The following TTC38 variants were observed in gnomAD, a reference collection of about 807,000 sequenced individuals.
TTC38 encodes the protein tetratricopeptide repeat domain 38.
In TTC38, 64 loss-of-function variants were observed where a neutral mutation model predicts 64.2. The ratio of observed to expected loss-of-function variants is 1.00; its 90% CI spans 0.81 to 1.23. The LOEUF (loss-of-function observed/expected upper bound fraction) is 1.23, where lower values mean the gene tolerates loss of function less well. TTC38 is among the 50% of genes most tolerant of loss of function. The pLI is 0.00. For missense variants in TTC38, 573 were observed against 615.5 expected (o/e 0.93, Z 0.73); for synonymous variants, 254 against 249.3 (o/e 1.02, Z -0.18).
rs1258325702 is a variant in TTC38, at chr22:46,273,443, C to A, written c.194-455C>A. On this transcript the variant is annotated intron_variant, in intron 3 of 13. Transcript: ENST00000381031. This position sits in a 1 kb window ranked among gnomAD's most constrained non-coding sequence, Gnocchi z 5.1. ...TGCTGCGAGGGCCACAAGGCACTCA[C>A]CCCCACCCTAACTTTTAGCATGTGT... 6.6e-6 allele frequency among the ~76,000 whole-genome samples: 1 copy of A among 152,246 alleles called. No homozygotes were observed. The highest frequency in any genetic ancestry group is 6.5e-5 in the Admixed American group (1 of 15,292).
At chr22:46,288,152 G>A (rs1939993881) in intron 10 of TTC38, among the ~76,000 whole-genome samples, 1 of 152,208 alleles carries the variant, frequency 6.6e-6, no homozygotes, top group African/African-American at 2.4e-5. Context: ...CCTAGGGTTT[G>A]TCAAAGCGGC....
At chr22:46,278,474 G>T (rs1024601865) in intron 5 of TTC38, 112 bp from the exon 6 acceptor site, 10 of 882,546 alleles carry the variant, frequency 1.1e-5, no homozygotes, top group Admixed American at 9.5e-5. Context: ...TCCAAAAAAG[G>T]TCACATTCCC....
chr22:46,281,491 C>A lies in TTC38; in HGVS notation c.616-108C>A. The A allele has an allele frequency of 5.5e-6, 7 of 1,284,390 alleles. No individual in the cohort carries two copies. The highest frequency in any genetic ancestry group is 7.6e-6 in the Non-Finnish European group (7 of 918,656). 79.6% of individuals were successfully genotyped at this position (1,284,390 alleles called of 1,614,324 possible). On this transcript the variant is annotated intron_variant, in intron 6 of 13. Coordinates refer to ENST00000381031, the MANE Select transcript of TTC38 (RefSeq NM_017931.4). This position sits in a 1 kb window ranked among gnomAD's most constrained non-coding sequence, Gnocchi z 5.2. ...GAGCCCCGCCCCCCCACTTGCTCCA[C>A]CCCGTTCAGCCCAGGCCCCTCTTGC...
In TTC38 at chr22:46,275,385, T is replaced by A. The variant is rs2147788173; in HGVS notation, c.503T>A (p.Ile168Asn). The A allele has an allele frequency of 6.2e-7, 1 of 1,614,134 alleles. No homozygotes were observed. The highest frequency in any genetic ancestry group is 2.2e-5 in the East Asian group (1 of 44,878). ...QEQMRDSVAR[I>N]YPFWTPDIPL... The stretch of plus-strand genomic sequence containing the variant: ...CAGATGAGAGATTCTGTTGCTCGAA[T>A]TTACCCCTTCTGGACACCTGACATC... The change falls in exon 5 of 14, where the codon ATT becomes AAT. Residue 168 changes from isoleucine to asparagine, a missense_variant. By Grantham distance (149) the Ile-to-Asn change is moderately radical. Transcript: ENST00000381031. This position sits in a 1 kb window ranked among gnomAD's most constrained non-coding sequence, Gnocchi z 4.5.
At chr22:46,284,357 G>A (rs1436652698) in intron 8 of TTC38, among the ~76,000 whole-genome samples, 1 of 152,230 alleles carries the variant, frequency 6.6e-6, no homozygotes, top group Non-Finnish European at 1.5e-5. Context: ...TGGGGCAGCT[G>A]CTCAGGACAC....
At position 46,287,077 on chromosome 22, in the gene TTC38, T is replaced by A; in HGVS notation, c.839T>A (p.Leu280His). The A allele has an allele frequency of 2.5e-6, 4 of 1,599,926 alleles. No individual in the cohort carries two copies. In the South Asian group the frequency reaches 3.3e-5, roughly 13 times the overall value. Residue 280 changes from leucine to histidine, a missense_variant, in exon 10 of 14, where the codon CTT (leucine) becomes CAT (histidine). This residue lies in a region of TTC38 where 371 missense variants were observed against 381.8 expected (regional missense o/e 0.97). Coordinates refer to ENST00000381031, the MANE Select transcript of TTC38 (RefSeq NM_017931.4). ...AALTIYDTHI[L>H]PSLQANDAML... is the part of the protein sequence containing the mutation. ...CTTGGCCGCCCTGTCTTCCAGATCC[T>A]TCCCAGCCTGCAGGCCAACGATGCA...
In TTC38 at chr22:46,270,871, G is replaced by GCA. The variant is rs1048721381; in HGVS notation, c.112-1460_112-1459dup. 1.3e-4 allele frequency among the ~76,000 whole-genome samples: 19 copies of GCA among 151,038 alleles called. No homozygotes were observed. The highest frequency in any genetic ancestry group is 4.4e-4 in the African/African-American group (18 of 41,166). Reference sequence around the variant, plus strand: ...AAAAAAATTAGCCGGGCGCAGTGGTGCACACCTGTAATCCCAGCTACTAAG... The same window carrying GCA: ...AAAAAAATTAGCCGGGCGCAGTGGTGCACACACCTGTAATCCCAGCTACTAAG... On this transcript the variant is annotated intron_variant, in intron 2 of 13. Transcript: ENST00000381031. This position sits in a 1 kb window ranked among gnomAD's most constrained non-coding sequence, Gnocchi z 4.7.
At chr22:46,278,958 G>A (rs1158516043) in intron 6 of TTC38, among the ~76,000 whole-genome samples, 2 of 152,366 alleles carry the variant, frequency 1.3e-5, no homozygotes, top group Middle Eastern at 3.4e-3. Context: ...CTCACTTAGG[G>A]TTGCACAGAA....
chr22:46,292,014 G>A lies in TTC38; in HGVS notation c.1317-777G>A, dbSNP rs968592900. 6.6e-5 allele frequency among the ~76,000 whole-genome samples: 10 copies of A among 152,138 alleles called. No homozygotes were observed. The highest frequency in any genetic ancestry group is 2.4e-4 in the African/African-American group (10 of 41,416). ...GCGGCTTGCACAGTAGGCATGCACT[G>A]TCTCACAGTTCTGGAGGCTGGAATG... On this transcript the variant is annotated intron_variant, in intron 13 of 13. Coordinates refer to ENST00000381031, the MANE Select transcript of TTC38 (RefSeq NM_017931.4). This position sits in a 1 kb window ranked among gnomAD's most constrained non-coding sequence, Gnocchi z 6.5.
intron 5 of TTC38, among the ~76,000 whole-genome samples, chr22:46,277,537 G>A (rs1054911237): frequency 6.6e-6 from 1 of 151,200 alleles, no homozygotes. Flanking sequence ...CTCAGGAGGC[G>A]GAGGTTGCAG....
Position 46,275,187 on chromosome 22 carries a change from C to T in TTC38, c.366-61C>T. ...CACTGGTGAGAAACAATGCCTCTTACACTCCCTGTGTGGGTGGACTATGTG... is the reference window on the plus strand; with the variant it reads ...CACTGGTGAGAAACAATGCCTCTTATACTCCCTGTGTGGGTGGACTATGTG... On this transcript the variant is annotated intron_variant, in intron 4 of 13. Transcript: ENST00000381031. This position sits in a 1 kb window ranked among gnomAD's most constrained non-coding sequence, Gnocchi z 4.5. 6.7e-7 allele frequency: 1 copy of T among 1,494,836 alleles called. No homozygotes were observed. The highest frequency in any genetic ancestry group is 9.2e-7 in the Non-Finnish European group (1 of 1,090,268). 92.6% of individuals were successfully genotyped at this position (1,494,836 alleles called of 1,614,324 possible).
At chr22:46,280,007 G>C (rs756303562) in intron 6 of TTC38, 1 of 408,598 alleles carries the variant, frequency 2.4e-6, no homozygotes, top group Admixed American at 2.9e-5. Context: ...GCAAGAAGTG[G>C]TGGATAGGGT....
Position 46,277,431 on chromosome 22 carries a change from C to A in TTC38, c.540-1155C>A, listed in dbSNP as rs1412462492. On this transcript the variant is annotated intron_variant, in intron 5 of 13. Coordinates refer to ENST00000381031, the MANE Select transcript of TTC38 (RefSeq NM_017931.4). ...GCCAGCCTGGCCAACATGGTGAAAC[C>A]CCGTCTCTACTAAAAATACCAAAAT... 2.6e-5 allele frequency among the ~76,000 whole-genome samples: 4 copies of A among 152,122 alleles called. No homozygotes were observed. The East Asian group carries it at 7.7e-4, about 29-fold the overall frequency.
rs1370159064 is a variant in TTC38 at position 46,282,107 on chromosome 22, T to A, written c.735+389T>A. 2 of 401,764 alleles carry A rather than the reference T, an allele frequency of 5.0e-6. No individual in the cohort carries two copies. Among genetic ancestry groups the A allele is most frequent in the African/African-American group, 2.1e-5 (1 of 47,998 alleles). The allele number at this position is 401,764 out of a possible 1,614,324, so 24.9% of individuals were successfully genotyped here. A position where few individuals can be genotyped will look rare whatever the true frequency, so the allele number is the denominator to read the frequency against. On this transcript the variant is annotated intron_variant, in intron 7 of 13. Transcript: ENST00000381031. The surrounding 1 kb of genome is among the most constrained non-coding windows in gnomAD (Gnocchi z 4.4). ...GGGGGGACAGTGGCTAGGGAAGGCA[T>A]CCTGGAGGGGGCAACCTCTGAGTTG...
Position 46,292,635 on chromosome 22 carries a change from C to T in TTC38, c.1317-156C>T, listed in dbSNP as rs951293748. Among the ~76,000 whole-genome samples, 2 of 152,256 alleles carry T rather than the reference C, an allele frequency of 1.3e-5. No homozygotes were observed. The highest frequency in any genetic ancestry group is 2.9e-5 in the Non-Finnish European group (2 of 68,044). ...CCTCCCATCCTCACCTCTCCCCAAA[C>T]TGAGGCCAGGCCTCCTGCCCCTGGG... On this transcript the variant is annotated intron_variant, in intron 13 of 13. Transcript: ENST00000381031. The surrounding 1 kb of genome is among the most constrained non-coding windows in gnomAD (Gnocchi z 6.5).
In TTC38 at chr22:46,282,637, G is replaced by A. The variant is rs1051251311; in HGVS notation, c.735+919G>A. ...GAGGATCCTCGGGCCTCCAGATTCGGCTCTGTCAAGGGGGCAGTGGTCAGG... is the reference window on the plus strand; with the variant it reads ...GAGGATCCTCGGGCCTCCAGATTCGACTCTGTCAAGGGGGCAGTGGTCAGG... On this transcript the variant is annotated intron_variant, in intron 7 of 13. Transcript: ENST00000381031. This position sits in a 1 kb window ranked among gnomAD's most constrained non-coding sequence, Gnocchi z 4.4. Among the ~76,000 whole-genome samples, 1 of 152,222 alleles carries A rather than the reference G, an allele frequency of 6.6e-6. No individual in the cohort carries two copies. The highest frequency in any genetic ancestry group is 2.4e-5 in the African/African-American group (1 of 41,464).
intron 6 of TTC38, among the ~76,000 whole-genome samples, chr22:46,279,857 G>A (rs1369676807): frequency 2.6e-5 from 4 of 152,158 alleles, no homozygotes; most frequent in African/African-American, 7.2e-5. Context: ...CCTCCTGTGG[G>A]TGGCATCCAT....
chr22:46,268,837 A>G (rs1031139219), intron 2 of TTC38: 18 of 451,244 alleles, frequency 4.0e-5, no homozygotes, highest in Admixed American at 2.4e-4. Context: ...GGCGCCCGCC[A>G]CTGCCCTCGA....
Position 46,268,086 on chromosome 22 carries a change from G to C in TTC38, c.33+14G>C. ...CGCGACTGCCAGGTACACGGAGGCT[G>C]CCCCCAACCAGGTCCCCCTCGGGCC... On this transcript the variant is annotated intron_variant, in intron 1 of 13. Coordinates refer to ENST00000381031, the MANE Select transcript of TTC38 (RefSeq NM_017931.4). 1 of 1,539,266 alleles carries C rather than the reference G, an allele frequency of 6.5e-7. No homozygotes were observed. The highest frequency in any genetic ancestry group is 8.7e-7 in the Non-Finnish European group (1 of 1,148,818).
Sources: allele counts gnomAD v4.1 joint callset (sites outside exome capture counted in the v4.1 genomes callset), GRCh38; gene constraint gnomAD v4.1.1; regional missense constraint gnomAD v4.1.1; non-coding constraint Gnocchi (gnomAD v3.1); transcripts MANE v1.5; gene names NCBI Gene and HGNC (gene_info 2026-07-23, HGNC 2026-07-21).